Variants in CDC14B observed in about 807,000 individuals in gnomAD.
CDC14B encodes dual specificity protein phosphatase CDC14B.
A neutral mutation model predicts 64.2 loss-of-function variants in CDC14B; 22 were observed. The observed-to-expected ratio is 0.34, with a 90% CI of 0.24 to 0.49. The LOEUF (loss-of-function observed/expected upper bound fraction) is 0.49, where lower values mean the gene tolerates loss of function less well. Among genes scored for constraint, CDC14B ranks in the 20% least tolerant of loss-of-function variants. The probability of loss-of-function intolerance (pLI) is 0.99; values close to 1 mark genes in which losing one functional copy is unlikely to be tolerated. For missense variants in CDC14B, 498 were observed against 629.9 expected, an observed-to-expected ratio of 0.79 and a Z score of 2.24; for synonymous variants, 191 against 215.8, an observed-to-expected ratio of 0.89 and a Z score of 1.01.
intron 5 of CDC14B, among the ~76,000 whole-genome samples, chr9:96,544,985 C>G (rs927822980): frequency 2.0e-5 from 3 of 152,160 alleles, no homozygotes; most frequent in Admixed American, 2.0e-4. Context: ...GCACCAGGAC[C>G]ACCCCACCTG....
intron 6 of CDC14B, among the ~76,000 whole-genome samples, chr9:96,541,270 G>C (rs987884949): frequency 6.6e-6 from 1 of 152,220 alleles, no homozygotes; most frequent in Non-Finnish European, 1.5e-5. Flanking sequence ...CCCTGGTTAT[G>C]ACCCAAGGAA....
chr9:96,521,962 T>C (rs1031651125), intron 12 of CDC14B, among the ~76,000 whole-genome samples: 2 of 152,208 alleles, frequency 1.3e-5, no homozygotes, highest in African/African-American at 4.8e-5. Context: ...AATGTACACA[T>C]AGACATACAT....
intron 12 of CDC14B, among the ~76,000 whole-genome samples, chr9:96,521,575 T>C (rs896688972): frequency 6.6e-6 from 1 of 152,194 alleles, no homozygotes; most frequent in Non-Finnish European, 1.5e-5. Flanking sequence ...GACACATGCC[T>C]TAGGTGTAAT....
At chr9:96,505,529 A>G (rs185859092) in intron 13 of CDC14B, among the ~76,000 whole-genome samples, 14 of 152,368 alleles carry the variant, frequency 9.2e-5, no homozygotes, top group Admixed American at 9.1e-4. Flanking sequence ...GGGCATGATG[A>G]AATTTCCAAG....
At chr9:96,535,200 G>A (rs942653119) in intron 7 of CDC14B, among the ~76,000 whole-genome samples, 7 of 152,228 alleles carry the variant, frequency 4.6e-5, no homozygotes, top group Middle Eastern at 6.8e-3. Context: ...CCAGCTACTC[G>A]GGAGGCTGAG....
In CDC14B at chr9:96,518,545, T is replaced by C. The variant is rs866576818; in HGVS notation, c.1343+3961A>G. 2.6e-5 allele frequency among the ~76,000 whole-genome samples: 4 copies of C among 152,048 alleles called. No homozygotes were observed. In the South Asian group the frequency reaches 8.3e-4, roughly 31 times the overall value. ...AAAAGAAATTACATGCCAGGCATCCTATATTGTGGAAAGGGATTAGACTAA... is the reference window on the plus strand; with the variant it reads ...AAAAGAAATTACATGCCAGGCATCCCATATTGTGGAAAGGGATTAGACTAA... On this transcript the variant is annotated intron_variant, in intron 12 of 13. Coordinates refer to ENST00000375241, the MANE Select transcript of CDC14B (RefSeq NM_033331.4).
chr9:96,529,191 C>G (rs1838041057), intron 9 of CDC14B, among the ~76,000 whole-genome samples: 3 of 152,208 alleles, frequency 2.0e-5, no homozygotes, highest in Admixed American at 2.0e-4. Context: ...CTCTGTTTTC[C>G]TCTAAGAGTT....
chr9:96,585,954 G>A (rs1024036735), intron 1 of CDC14B, among the ~76,000 whole-genome samples: 5 of 152,196 alleles, frequency 3.3e-5, no homozygotes, highest in African/African-American at 1.2e-4. Context: ...CACAAAAGGA[G>A]ACAGACACAA....
In CDC14B at chr9:96,523,308, T is replaced by C. The variant is rs1047285282; in HGVS notation, c.1198A>G (p.Ile400Val). 5.0e-6 allele frequency: 8 copies of C among 1,614,022 alleles called. No homozygotes were observed. Among genetic ancestry groups the C allele is most frequent in the Non-Finnish European group, 6.8e-6 (8 of 1,180,040 alleles). Residue 400 changes from isoleucine (I) to valine (V), a missense_variant, in exon 11 of 14, where the codon ATT becomes GTT. By Grantham distance (29) the Ile-to-Val change is conservative. Transcript: ENST00000375241. ...FSKLLSGVDD[I>V]SINGVENQDQ... is the part of the protein sequence containing the mutation. ...TGATTCTCGACCCCATTTATGGAAA[T>C]GTCATCAACGCCAGAGAGAAGTTTG...
chr9:96,562,145 C>T (rs528594510), intron 4 of CDC14B, among the ~76,000 whole-genome samples: 5 of 152,256 alleles, frequency 3.3e-5, no homozygotes, highest in South Asian at 2.1e-4. Flanking sequence ...GTATGTAATC[C>T]GTGTGGTATG....
intron 1 of CDC14B, among the ~76,000 whole-genome samples, chr9:96,571,441 T>C (rs1456021322): frequency 6.6e-6 from 1 of 152,184 alleles, no homozygotes; most frequent in African/African-American, 2.4e-5. Context: ...CCCAGAGTTT[T>C]GGGATTACAG....
chr9:96,583,689 C>T (rs1258098890), intron 1 of CDC14B, among the ~76,000 whole-genome samples: 1 of 151,154 alleles, frequency 6.6e-6, no homozygotes, highest in African/African-American at 2.4e-5. Flanking sequence ...AGCCAAGGGC[C>T]CTGGCCTGGT....
intron 1 of CDC14B, among the ~76,000 whole-genome samples, chr9:96,606,549 G>T: frequency 6.7e-6 from 1 of 148,180 alleles, no homozygotes; most frequent in African/African-American, 2.5e-5. Flanking sequence ...GTGTGTGTGT[G>T]TGTGTGTGTG....
chr9:96,571,417 G>T (rs1359798570), intron 1 of CDC14B, among the ~76,000 whole-genome samples: 1 of 151,946 alleles, frequency 6.6e-6, no homozygotes, highest in African/African-American at 2.4e-5. Flanking sequence ...CTCGTGATCC[G>T]CCCGCCTCGG....
intron 1 of CDC14B, among the ~76,000 whole-genome samples, chr9:96,611,464 G>C (rs904112138): frequency 6.6e-5 from 10 of 152,164 alleles, no homozygotes; most frequent in Non-Finnish European, 1.2e-4. Flanking sequence ...GCTTTGAGAT[G>C]TTCAGATGGT....
rs545919581 is a variant in CDC14B at position 96,520,086 on chromosome 9, G to C, written c.1343+2420C>G. ...CCAAAAAACTGCAAATAATAGCAGA[G>C]AGGGTTTGAAAAAGCAGAGACGGGG... is the stretch of plus-strand genomic sequence containing the variant. On this transcript the variant is annotated intron_variant, in intron 12 of 13. Transcript: ENST00000375241. 1.4e-4 allele frequency among the ~76,000 whole-genome samples: 21 copies of C among 152,326 alleles called. No individual in the cohort carries two copies. The South Asian group carries it at 4.1e-3, about 30-fold the overall frequency.
intron 1 of CDC14B, among the ~76,000 whole-genome samples, chr9:96,586,687 G>T (rs990671715): frequency 4.6e-5 from 7 of 152,064 alleles, no homozygotes; most frequent in African/African-American, 1.7e-4. Flanking sequence ...CTCCCAAAGT[G>T]CTGGGATTAC....
intron 9 of CDC14B, among the ~76,000 whole-genome samples, chr9:96,533,150 G>T (rs1838750398): frequency 6.6e-6 from 1 of 152,082 alleles, no homozygotes; most frequent in South Asian, 2.1e-4. Flanking sequence ...TGTATTTTTA[G>T]TAGAGACAGG....
chr9:96,522,625 G>A lies in CDC14B; in HGVS notation c.1246-22C>T, dbSNP rs576560381. On this transcript the variant is annotated intron_variant, in intron 11 of 13. Coordinates refer to ENST00000375241, the MANE Select transcript of CDC14B (RefSeq NM_033331.4). ...TGTACTGTGTAAGTAAAAAAACACTGAGCTAATGATTTAAGTTGCACTTAT... is the reference window on the plus strand; with the variant it reads ...TGTACTGTGTAAGTAAAAAAACACTAAGCTAATGATTTAAGTTGCACTTAT... 31 of 1,477,566 alleles carry A rather than the reference G, an allele frequency of 2.1e-5. No homozygotes were observed. In the East Asian group the frequency reaches 6.1e-4, roughly 29 times the overall value. 91.5% of individuals were successfully genotyped at this position (1,477,566 alleles called of 1,614,324 possible).
Sources: gnomAD v4.1 joint callset for allele counts (sites outside exome capture counted in the v4.1 genomes callset) on GRCh38, gnomAD v4.1.1 for gene constraint, MANE v1.5 for transcripts, NCBI Gene and HGNC (gene_info 2026-07-23, HGNC 2026-07-21) for gene names.